SPMIP2: variants seen among roughly 807,000 people sequenced by gnomAD.
The protein encoded by SPMIP2 is sperm microtubule inner protein 2, also known as protein SPMIP2.
chr4:159,007,363 G>C, the SPMIP2 span: 1 of 686,574 alleles, frequency 1.5e-6, no homozygotes, highest in South Asian at 1.4e-5. Flanking sequence ...AAACAGATAA[G>C]CAGGAGATGA....
At chr4:159,072,692 G>A in the SPMIP2 span, among the ~76,000 whole-genome samples, 6 of 151,702 alleles carry the variant, frequency 4.0e-5, no homozygotes, top group African/African-American at 1.5e-4. Flanking sequence ...CAAACTCCTG[G>A]GCTCATGTGA....
At chr4:159,032,207 G>A in the SPMIP2 span, among the ~76,000 whole-genome samples, 3 of 152,024 alleles carry the variant, frequency 2.0e-5, no homozygotes, top group East Asian at 1.9e-4. Flanking sequence ...GAGCAACAGA[G>A]GGAGACTGTC....
chr4:158,955,037 C>CA, the SPMIP2 span, among the ~76,000 whole-genome samples: 1 of 152,016 alleles, frequency 6.6e-6, no homozygotes, highest in Non-Finnish European at 1.5e-5. Context: ...CATATGAAAA[C>CA]AAATCATCAG....
At chr4:158,917,240 A>G in the SPMIP2 span, among the ~76,000 whole-genome samples, 7 of 148,248 alleles carry the variant, frequency 4.7e-5, no homozygotes, top group East Asian at 1.4e-3. Context: ...ACAAAGAAAG[A>G]CTCCATCTCA....
chr4:158,985,993 GACAA>G, the SPMIP2 span, among the ~76,000 whole-genome samples: 2 of 146,676 alleles, frequency 1.4e-5, no homozygotes, highest in Non-Finnish European at 3.0e-5. Context: ...ACCAACAACA[GACAA>G]ACAGAGAGCC....
the SPMIP2 span, among the ~76,000 whole-genome samples, chr4:158,903,961 T>C: frequency 6.6e-6 from 1 of 152,194 alleles, no homozygotes; most frequent in Non-Finnish European, 1.5e-5. Context: ...CAGAATCTTG[T>C]GGCTTAAATG....
the SPMIP2 span, among the ~76,000 whole-genome samples, chr4:158,989,865 A>G: frequency 6.6e-6 from 1 of 152,226 alleles, no homozygotes; most frequent in Non-Finnish European, 1.5e-5. Context: ...CGGCAACAAA[A>G]GCCAAAATTG....
At chr4:159,029,752 C>A in the SPMIP2 span, among the ~76,000 whole-genome samples, 2 of 152,160 alleles carry the variant, frequency 1.3e-5, no homozygotes, top group South Asian at 2.1e-4. Context: ...TCAGACTGAG[C>A]AAATCAACCC....
chr4:159,067,350 T>A, the SPMIP2 span, among the ~76,000 whole-genome samples: 1 of 152,124 alleles, frequency 6.6e-6, no homozygotes, highest in African/African-American at 2.4e-5. Flanking sequence ...GTTCAAGCGA[T>A]TCTGCCTCAG....
At chr4:159,014,904 T>C in the SPMIP2 span, among the ~76,000 whole-genome samples, 1 of 152,382 alleles carries the variant, frequency 6.6e-6, no homozygotes, top group East Asian at 1.9e-4. Flanking sequence ...CTAGGCTGCA[T>C]GCAGCCCGTG....
the SPMIP2 span, among the ~76,000 whole-genome samples, chr4:159,076,652 A>T: frequency 1.1e-4 from 16 of 152,068 alleles, no homozygotes; most frequent in Admixed American, 3.3e-4. Flanking sequence ...ATACTTAAAC[A>T]ATTTTTTCCT....
chr4:158,918,141 T>C, the SPMIP2 span, among the ~76,000 whole-genome samples: 3 of 152,214 alleles, frequency 2.0e-5, no homozygotes, highest in Non-Finnish European at 4.4e-5. Context: ...GGCTCCCCAG[T>C]GCCATTACCC....
At chr4:158,910,232 T>C in the SPMIP2 span, among the ~76,000 whole-genome samples, 4 of 151,904 alleles carry the variant, frequency 2.6e-5, no homozygotes, top group Non-Finnish European at 4.4e-5. Context: ...TAATCAGATA[T>C]TTAGTCAAAC....
chr4:158,997,901 C>T, the SPMIP2 span, among the ~76,000 whole-genome samples: 19 of 152,194 alleles, frequency 1.2e-4, no homozygotes, highest in Non-Finnish European at 2.2e-4. Context: ...AAGTGATCCT[C>T]CCACATCGGC....
chr4:158,960,286 C>T, the SPMIP2 span: 2 of 1,530,150 alleles, frequency 1.3e-6, no homozygotes, highest in Non-Finnish European at 1.8e-6. Context: ...ATTTGCTTAC[C>T]ATGGGTTTTG....
the SPMIP2 span, among the ~76,000 whole-genome samples, chr4:158,976,659 A>ATTTTTTTTTTT: frequency 1.1e-5 from 1 of 94,732 alleles, no homozygotes; most frequent in Non-Finnish European, 1.9e-5. Context: ...ATGGATAAGC[A>ATTTTTTTTTTT]TTTTTTTTTT....
the SPMIP2 span, among the ~76,000 whole-genome samples, chr4:158,936,344 TC>T: frequency 2.6e-5 from 4 of 152,216 alleles, no homozygotes; most frequent in African/African-American, 9.7e-5. Flanking sequence ...TGTGGAAACT[TC>T]CCTTTAGGAC....
chr4:159,005,221 CAA>C, the SPMIP2 span, among the ~76,000 whole-genome samples: 3 of 53,144 alleles, frequency 5.6e-5, no homozygotes, highest in East Asian at 5.1e-4. Flanking sequence ...GACTCCGCCT[CAA>C]AAAAAAAAAA....
chr4:158,977,516 C>G, the SPMIP2 span, among the ~76,000 whole-genome samples: 2 of 148,466 alleles, frequency 1.3e-5, no homozygotes, highest in Non-Finnish European at 3.0e-5. Flanking sequence ...AGAGGTCTAT[C>G]TACTGTGTTG....
Sources: allele counts gnomAD v4.1 joint callset (sites outside exome capture counted in the v4.1 genomes callset), GRCh38; gene constraint gnomAD v4.1.1; transcripts MANE v1.5; gene names NCBI Gene and HGNC (gene_info 2026-07-23, HGNC 2026-07-21).